Variants in DAB1 observed in about 807,000 individuals in gnomAD.
DAB1 encodes disabled homolog 1.
In DAB1, 15 loss-of-function variants were observed where a neutral mutation model predicts 64.6. The ratio of observed to expected loss-of-function variants is 0.23; its 90% CI spans 0.16 to 0.36. DAB1 has a LOEUF of 0.36. DAB1 is among the 10% of genes least tolerant of loss of function. The pLI, the probability that DAB1 is intolerant of heterozygous loss-of-function variation, is 1.00. For synonymous variants in DAB1, 235 were observed against 251.9 expected, an observed-to-expected ratio of 0.93 and a Z score of 0.64; for missense variants, 596 against 706.7, an observed-to-expected ratio of 0.84 and a Z score of 1.78.
intron 1 of DAB1, among the ~76,000 whole-genome samples, chr1:57,842,116 A>G (rs1180104427): frequency 6.6e-6 from 1 of 152,190 alleles, no homozygotes; most frequent in African/African-American, 2.4e-5. Flanking sequence ...CTTCCACCAG[A>G]TACCCTAAAT....
chr1:57,537,459 C>T (rs1524713), intron 7 of DAB1, among the ~76,000 whole-genome samples: 97,665 of 152,142 alleles, frequency 0.64, 33,798 homozygotes, highest in Non-Finnish European at 0.77. Context: ...GATACCAACA[C>T]TCACTGTATA....
chr1:57,263,934 T>C (rs1465280493), intron 2 of DAB1, among the ~76,000 whole-genome samples: 1 of 152,116 alleles, frequency 6.6e-6, no homozygotes, highest in Non-Finnish European at 1.5e-5. Context: ...CATTCTACCC[T>C]GTACCACAAG....
intron 7 of DAB1, among the ~76,000 whole-genome samples, chr1:57,463,419 G>GT (rs1488844236): frequency 6.6e-6 from 1 of 152,164 alleles, no homozygotes; most frequent in East Asian, 1.9e-4. Flanking sequence ...GGGGTCTTAT[G>GT]TTTTTTATTA....
chr1:57,231,230 T>C (rs1326886145), intron 2 of DAB1, among the ~76,000 whole-genome samples: 1 of 152,218 alleles, frequency 6.6e-6, no homozygotes, highest in Non-Finnish European at 1.5e-5. Context: ...CATAAGTATC[T>C]TCAAAATACT....
intron 2 of DAB1, among the ~76,000 whole-genome samples, chr1:57,175,315 AT>A (rs35191101): frequency 0.19 from 27,634 of 143,776 alleles, 3,323 homozygotes; most frequent in African/African-American, 0.38. Context: ...CAGACTTTAA[AT>A]TTTTTTTTTT....
chr1:58,527,324 A>G (rs1646367833), exon 2 of DAB1: 1 of 872,094 alleles, frequency 1.1e-6, no homozygotes, highest in African/African-American at 1.6e-5. Flanking sequence ...TGTATGGTCT[A>G]TTAAACATAT....
At chr1:57,057,921 T>C (rs1163021966) in intron 9 of DAB1, among the ~76,000 whole-genome samples, 1 of 152,164 alleles carries the variant, frequency 6.6e-6, no homozygotes, top group Non-Finnish European at 1.5e-5. Flanking sequence ...TGATTCTTAA[T>C]TCTATCAGAT....
At chr1:57,057,906 C>T (rs1289176803) in intron 9 of DAB1, among the ~76,000 whole-genome samples, 1 of 152,148 alleles carries the variant, frequency 6.6e-6, no homozygotes, top group Non-Finnish European at 1.5e-5. Flanking sequence ...CCGCGCCCGG[C>T]CTACTGATTC....
intron 1 of DAB1, among the ~76,000 whole-genome samples, chr1:57,307,561 T>A (rs1674296814): frequency 6.6e-6 from 1 of 151,516 alleles, no homozygotes; most frequent in African/African-American, 2.4e-5. Flanking sequence ...CACACCCTCT[T>A]TCCCTTTCTG....
downstream of DAB1, among the ~76,000 whole-genome samples, chr1:57,823,225 C>T (rs188708322): frequency 2.0e-5 from 3 of 151,926 alleles, no homozygotes; most frequent in Non-Finnish European, 2.9e-5. Flanking sequence ...CCTCGTGATC[C>T]GCCCACCTCG....
chr1:57,083,150 A>T (rs1652719463), intron 4 of DAB1, among the ~76,000 whole-genome samples: 2 of 152,102 alleles, frequency 1.3e-5, no homozygotes, highest in South Asian at 4.2e-4. Context: ...CTCACCCATC[A>T]ACCTTGCCTA....
At chr1:57,718,029 T>C (rs1234915387) in intron 6 of DAB1, among the ~76,000 whole-genome samples, 1 of 152,114 alleles carries the variant, frequency 6.6e-6, no homozygotes, top group East Asian at 1.9e-4. Flanking sequence ...CAAGTTCTGG[T>C]AGTGTTTTTC....
intron 1 of DAB1, among the ~76,000 whole-genome samples, chr1:57,836,803 C>G (rs545635828): frequency 6.6e-6 from 1 of 152,298 alleles, no homozygotes; most frequent in South Asian, 2.1e-4. Flanking sequence ...CCCTTCCTAT[C>G]TCCCTACTAA....
chr1:58,364,689 G>C (rs1382798668), intron 3 of DAB1, among the ~76,000 whole-genome samples: 5 of 152,334 alleles, frequency 3.3e-5, no homozygotes, highest in Admixed American at 6.5e-5. Context: ...AGAGAGGAGA[G>C]AGAAGATGTG....
intron 3 of DAB1, among the ~76,000 whole-genome samples, chr1:58,394,262 G>C (rs976229948): frequency 6.6e-6 from 1 of 152,210 alleles, no homozygotes; most frequent in South Asian, 2.1e-4. Flanking sequence ...TGCATTGCCA[G>C]TGCTAATGGA....
chr1:57,260,300 C>T (rs1466781632), intron 2 of DAB1, among the ~76,000 whole-genome samples: 2 of 152,160 alleles, frequency 1.3e-5, no homozygotes, highest in Non-Finnish European at 2.9e-5. Context: ...GTAAAGCCCT[C>T]ATTCACTGGG....
At chr1:57,348,313 G>T (rs1678285876) in intron 1 of DAB1, among the ~76,000 whole-genome samples, 1 of 152,124 alleles carries the variant, frequency 6.6e-6, no homozygotes, top group Non-Finnish European at 1.5e-5. Flanking sequence ...CTAAAACAGA[G>T]CTGTGAACAG....
chr1:57,467,084 GA>G (rs1360724983), intron 7 of DAB1, among the ~76,000 whole-genome samples: 3 of 152,156 alleles, frequency 2.0e-5, no homozygotes, highest in African/African-American at 4.8e-5. Context: ...ACAAAGGTAA[GA>G]ATCAGTCGTA....
At chr1:57,369,511 C>T (rs12137540) in intron 1 of DAB1, among the ~76,000 whole-genome samples, 48,495 of 151,952 alleles carry the variant, frequency 0.32, 8,120 homozygotes, top group African/African-American at 0.38. Flanking sequence ...GTGATACACA[C>T]ATATATATCC....
Sources: allele counts gnomAD v4.1 joint callset (sites outside exome capture counted in the v4.1 genomes callset), GRCh38; gene constraint gnomAD v4.1.1; transcripts MANE v1.5; gene names NCBI Gene and HGNC (gene_info 2026-07-23, HGNC 2026-07-21).